Variants in ANO6 observed in about 807,000 individuals in gnomAD.
ANO6 encodes anoctamin-6.
ANO6 carries 106 observed loss-of-function variants against 117.5 expected under a neutral mutation model. The observed-to-expected ratio is 0.90, with a 90% CI of 0.77 to 1.06. The LOEUF (loss-of-function observed/expected upper bound fraction) is 1.06. ANO6 is among the 50% of genes least tolerant of loss of function. ANO6 has a pLI of 0.00. For synonymous variants in ANO6, 367 were observed against 385.1 expected, an observed-to-expected ratio of 0.95 and a Z score of 0.55; for missense variants, 955 against 1,121.1, an observed-to-expected ratio of 0.85 and a Z score of 2.12.
chr12:45,235,208 G>C (rs1328267295), intron 1 of ANO6, among the ~76,000 whole-genome samples: 2 of 152,220 alleles, frequency 1.3e-5, no homozygotes, highest in African/African-American at 4.8e-5. Context: ...GTTGTGGCCT[G>C]TCTGTGCCTA....
intron 1 of ANO6, among the ~76,000 whole-genome samples, chr12:45,285,600 G>A (rs753539145): frequency 6.6e-6 from 1 of 152,070 alleles, no homozygotes; most frequent in African/African-American, 2.4e-5. Flanking sequence ...GTTGTGCTAC[G>A]CACCTGTAGT....
intron 1 of ANO6, among the ~76,000 whole-genome samples, chr12:45,234,124 A>G (rs1947612642): frequency 6.6e-6 from 1 of 152,348 alleles, no homozygotes; most frequent in Admixed American, 6.5e-5. Context: ...AGTTCACATA[A>G]TGCCTTGCCA....
At chr12:45,339,538 T>C (rs1361203804) in intron 3 of ANO6, among the ~76,000 whole-genome samples, 7 of 152,162 alleles carry the variant, frequency 4.6e-5, no homozygotes, top group Admixed American at 1.3e-4. Flanking sequence ...TTCAGCTAAA[T>C]ATTCACTCCA....
rs745465915 is a variant in ANO6 at position 45,347,040 on chromosome 12, G to A, written c.298G>A (p.Glu100Lys). ...TTGACAGAGGAAAAGACAAGCATAC[G>A]AATCTAACCTTATCTGTCATGGCCT... ...EKQRRKRQAYESNLICHGLQL... is the reference protein window; with the variant it reads ...EKQRRKRQAYKSNLICHGLQL... The change falls in exon 4 of 20, where the codon GAA (glutamate) becomes AAA (lysine). Residue 100 changes from glutamate to lysine, a missense_variant. Physicochemically the swap from Glu to Lys is moderately conservative, Grantham distance 56 (BLOSUM62 1). Transcript: ENST00000320560. 33 of 1,613,840 alleles carry A rather than the reference G, an allele frequency of 2.0e-5. No homozygotes were observed. The highest frequency in any genetic ancestry group is 7.7e-5 in the South Asian group (7 of 91,078).
downstream of ANO6, among the ~76,000 whole-genome samples, chr12:45,436,552 A>G (rs867951108): frequency 1.3e-5 from 2 of 152,318 alleles, no homozygotes; most frequent in South Asian, 4.1e-4. Flanking sequence ...AACATGAGTA[A>G]TCCCCTTGGA....
chr12:45,254,229 A>G (rs1368714823), intron 1 of ANO6, among the ~76,000 whole-genome samples: 3 of 152,230 alleles, frequency 2.0e-5, no homozygotes, highest in African/African-American at 4.8e-5. Context: ...CACAGAGAGA[A>G]GGCAGTAGAG....
rs551517877 is a variant in ANO6 at position 45,255,818 on chromosome 12, G to GTTTTTTTTTT, written c.70+39438_70+39447dup. Among the ~76,000 whole-genome samples, 647 of 81,650 alleles carry GTTTTTTTTTT rather than the reference G, an allele frequency of 7.9e-3. 42 individuals carry two copies. Among genetic ancestry groups the GTTTTTTTTTT allele is most frequent in the African/African-American group, 0.024 (541 of 22,204 alleles). 53.6% of individuals were successfully genotyped at this position (81,650 alleles called of 152,430 possible). On this transcript the variant is annotated intron_variant, in intron 1 of 19. Coordinates refer to ENST00000320560, the MANE Select transcript of ANO6 (RefSeq NM_001025356.3). Reference sequence around the variant, plus strand: ...CTGGCCCCAGGTTTTCTCCCTGGGTGTTTTTTTTTTTTTTTTTTTTGAGAC... The same window carrying GTTTTTTTTTT: ...CTGGCCCCAGGTTTTCTCCCTGGGTGTTTTTTTTTTTTTTTTTTTTTTTTTTTTTTGAGAC...
At chr12:45,374,818 A>G (rs532807212) in intron 9 of ANO6, among the ~76,000 whole-genome samples, 1 of 152,064 alleles carries the variant, frequency 6.6e-6, no homozygotes, top group African/African-American at 2.4e-5. Context: ...CTGTCTCACC[A>G]CTCCTATTCA....
At chr12:45,343,499 G>A (rs766789930) in intron 3 of ANO6, among the ~76,000 whole-genome samples, 2 of 152,116 alleles carry the variant, frequency 1.3e-5, no homozygotes, top group African/African-American at 2.4e-5. Context: ...ATGTCACAGT[G>A]TCTGGTCCTT....
intron 1 of ANO6, among the ~76,000 whole-genome samples, chr12:45,238,106 TAAG>T (rs1452699684): frequency 6.6e-6 from 1 of 152,100 alleles, no homozygotes; most frequent in African/African-American, 2.4e-5. Flanking sequence ...CTTATCAGCT[TAAG>T]GAGATTTTGG....
intron 3 of ANO6, among the ~76,000 whole-genome samples, chr12:45,346,316 C>T (rs933780074): frequency 6.6e-6 from 1 of 152,126 alleles, no homozygotes; most frequent in Non-Finnish European, 1.5e-5. Context: ...TGCATGCTTC[C>T]CTTACAACTT....
At chr12:45,294,623 G>A (rs183104895) in intron 1 of ANO6, among the ~76,000 whole-genome samples, 88 of 152,310 alleles carry the variant, frequency 5.8e-4, no homozygotes, top group African/African-American at 1.8e-3. Flanking sequence ...AATGTAAATA[G>A]TAAGTCATTG....
intron 1 of ANO6, among the ~76,000 whole-genome samples, chr12:45,232,228 G>T (rs150407590): frequency 6.6e-6 from 1 of 152,160 alleles, no homozygotes; most frequent in East Asian, 1.9e-4. Context: ...AACTAAAAAT[G>T]TACACAGAAA....
chr12:45,232,914 C>T (rs779322410), intron 1 of ANO6, among the ~76,000 whole-genome samples: 4 of 152,194 alleles, frequency 2.6e-5, no homozygotes, highest in Non-Finnish European at 4.4e-5. Context: ...CGCAGCAATT[C>T]TGTGTAGCTT....
At chr12:45,319,504 T>A (rs1940178881) in intron 2 of ANO6, among the ~76,000 whole-genome samples, 1 of 152,252 alleles carries the variant, frequency 6.6e-6, no homozygotes, top group African/African-American at 2.4e-5. Context: ...GATGTGCTGC[T>A]GGATTTGGTT....
rs534325633 is a variant in ANO6, at chr12:45,273,180, G to A, written c.71-28834G>A. 7.2e-5 allele frequency among the ~76,000 whole-genome samples: 11 copies of A among 152,290 alleles called. 1 individual carries two copies. The South Asian group carries it at 2.3e-3, about 32-fold the overall frequency. ...AGACATGTTGGTCAAAGGGTACAGA[G>A]TTTAAGTTAAAGAGGACTAAGTTCT... On this transcript the variant is annotated intron_variant, in intron 1 of 19. Coordinates refer to ENST00000320560, the MANE Select transcript of ANO6 (RefSeq NM_001025356.3).
intron 3 of ANO6, among the ~76,000 whole-genome samples, chr12:45,332,261 A>T (rs1940689368): frequency 2.0e-5 from 3 of 150,652 alleles, no homozygotes; most frequent in Non-Finnish European, 4.4e-5. Context: ...TCCCCTTTTC[A>T]CATATATGTG....
chr12:45,335,951 T>C (rs1940811806), intron 3 of ANO6, among the ~76,000 whole-genome samples: 1 of 152,060 alleles, frequency 6.6e-6, no homozygotes, highest in Non-Finnish European at 1.5e-5. Context: ...ATGATGACAA[T>C]TTTGTTCTTT....
At chr12:45,385,120 G>A (rs548664488) in intron 10 of ANO6, among the ~76,000 whole-genome samples, 17 of 152,256 alleles carry the variant, frequency 1.1e-4, no homozygotes, top group African/African-American at 3.4e-4. Flanking sequence ...CTACTATGTC[G>A]TAGTGCTTCT....
Sources: allele counts gnomAD v4.1 joint callset (sites outside exome capture counted in the v4.1 genomes callset), GRCh38; gene constraint gnomAD v4.1.1; transcripts MANE v1.5; gene names NCBI Gene and HGNC (gene_info 2026-07-23, HGNC 2026-07-21).